Variants in KLHL1 observed in about 807,000 individuals in gnomAD.
The protein encoded by KLHL1 is kelch-like protein 1.
In KLHL1, 47 loss-of-function variants were observed where a neutral mutation model predicts 77.7. The observed-to-expected ratio is 0.60, with a 90% CI of 0.48 to 0.77. The LOEUF is 0.77. Among genes scored for constraint, KLHL1 ranks in the 30% least tolerant of loss-of-function variants. The pLI is 0.00. For missense variants in KLHL1, 925 were observed against 910.8 expected (o/e 1.02, Z -0.20); for synonymous variants, 360 against 325.2 (o/e 1.11, Z -1.15).
chr13:69,983,993 T>C (rs527921763), intron 1 of KLHL1, among the ~76,000 whole-genome samples: 1 of 152,186 alleles, frequency 6.6e-6, no homozygotes, highest in Non-Finnish European at 1.5e-5. Context: ...CTCTCACTAC[T>C]TAAAGTCAAC....
intron 1 of KLHL1, among the ~76,000 whole-genome samples, chr13:70,106,114 A>G (rs903002222): frequency 4.6e-5 from 7 of 151,650 alleles, no homozygotes; most frequent in African/African-American, 1.7e-4. Flanking sequence ...TTATACATAT[A>G]TAATTTTATC....
At position 69,954,460 on chromosome 13, in the gene KLHL1, A is replaced by C. The variant is rs184602005; in HGVS notation, c.817+6848T>G. Among the ~76,000 whole-genome samples the C allele has an allele frequency of 3.2e-4, 49 of 151,418 alleles. 1 individual carries two copies. Among genetic ancestry groups the C allele is most frequent in the Admixed American group, 2.6e-3 (39 of 15,156 alleles). ...TCACAAAGTAAAGGAAAATGAAAAC[A>C]ATTATAAGACTGAGAGCAACAATAA... On this transcript the variant is annotated intron_variant, in intron 3 of 10. Transcript: ENST00000377844.
rs903091884 is a variant in KLHL1, at chr13:69,786,268, G to T, written c.1639+10470C>A. On this transcript the variant is annotated intron_variant, in intron 7 of 10. Coordinates refer to ENST00000377844, the MANE Select transcript of KLHL1 (RefSeq NM_020866.3). ...ATGCAAAAATCCTCAATAAAATACT[G>T]GCAAACCAAATCCAGCAGCACATCA... Among the ~76,000 whole-genome samples the T allele has an allele frequency of 3.9e-5, 6 of 152,196 alleles. No individual in the cohort carries two copies. The South Asian group carries it at 1.2e-3, about 32-fold the overall frequency.
intron 6 of KLHL1, among the ~76,000 whole-genome samples, chr13:69,801,485 G>C (rs1055082237): frequency 6.6e-6 from 1 of 152,086 alleles, no homozygotes; most frequent in Non-Finnish European, 1.5e-5. Context: ...AACATGTCAA[G>C]GTTGCATTAG....
At chr13:69,811,879 G>C (rs1045779547) in intron 6 of KLHL1, among the ~76,000 whole-genome samples, 6 of 152,056 alleles carry the variant, frequency 3.9e-5, no homozygotes, top group Non-Finnish European at 7.4e-5. Context: ...ATTTTTTGAA[G>C]GGTTTTTTGT....
chr13:69,715,544 G>A (rs111423411), intron 9 of KLHL1, among the ~76,000 whole-genome samples: 10,645 of 148,816 alleles, frequency 0.072, 558 homozygotes, highest in Non-Finnish European at 0.11. Context: ...TTTTTGAGAC[G>A]GAATCTCGCT....
intron 7 of KLHL1, among the ~76,000 whole-genome samples, chr13:69,790,012 G>A (rs887710267): frequency 1.3e-5 from 2 of 152,156 alleles, no homozygotes; most frequent in African/African-American, 4.8e-5. Context: ...TCACCGAGAT[G>A]TAATTGTGGT....
chr13:70,039,056 AT>A (rs35184766), intron 1 of KLHL1, among the ~76,000 whole-genome samples: 10,662 of 124,500 alleles, frequency 0.086, 269 homozygotes, highest in East Asian at 0.28. Flanking sequence ...TCCTTTGCAC[AT>A]TTTTTTTTTT....
intron 4 of KLHL1, among the ~76,000 whole-genome samples, chr13:69,884,085 G>C (rs1881106230): frequency 6.6e-6 from 1 of 152,136 alleles, no homozygotes; most frequent in Non-Finnish European, 1.5e-5. Context: ...CTGTATGTTA[G>C]AGCAGTTTCA....
intron 3 of KLHL1, among the ~76,000 whole-genome samples, chr13:69,960,933 G>A (rs995189382): frequency 3.3e-5 from 5 of 151,682 alleles, no homozygotes; most frequent in East Asian, 1.9e-4. Context: ...CACATTCCAG[G>A]GAAAAAGTTA....
chr13:70,075,661 ATG>A (rs1193569882), intron 1 of KLHL1, among the ~76,000 whole-genome samples: 1 of 140,790 alleles, frequency 7.1e-6, no homozygotes, highest in Non-Finnish European at 1.5e-5. Flanking sequence ...ATATATACCT[ATG>A]TGTGTGTGTA....
intron 4 of KLHL1, among the ~76,000 whole-genome samples, chr13:69,895,602 G>A (rs1454924828): frequency 6.6e-6 from 1 of 152,120 alleles, no homozygotes; most frequent in Non-Finnish European, 1.5e-5. Flanking sequence ...TGCAGGCAGA[G>A]TGTAGCTCAG....
At chr13:69,910,163 G>T (rs1158043762) in intron 4 of KLHL1, among the ~76,000 whole-genome samples, 1 of 151,948 alleles carries the variant, frequency 6.6e-6, no homozygotes, top group African/African-American at 2.4e-5. Context: ...TTGGCATATG[G>T]TCAGTGCACC....
In KLHL1 at chr13:70,055,018, C is replaced by T. The variant is rs367638450; in HGVS notation, c.497+52185G>A. The stretch of plus-strand genomic sequence containing the variant: ...TGGGGTTAAAAAGTTTATTCAAAGA[C>T]GTAATAGAAATCTTTCCAAACCTCG... On this transcript the variant is annotated intron_variant, in intron 1 of 10. Transcript: ENST00000377844. Among the ~76,000 whole-genome samples the T allele has an allele frequency of 2.2e-3, 8 of 3,622 alleles. No homozygotes were observed. In the Non-Finnish European group the frequency reaches 0.03, roughly 14 times the overall value. The allele number at this position is 3,622 out of a possible 152,430, so 2.4% of individuals were successfully genotyped here. A position where few individuals can be genotyped will look rare whatever the true frequency, so the allele number is the denominator to read the frequency against.
intron 8 of KLHL1, among the ~76,000 whole-genome samples, chr13:69,725,954 G>C (rs1375376779): frequency 2.0e-5 from 3 of 151,932 alleles, no homozygotes; most frequent in African/African-American, 7.2e-5. Flanking sequence ...ACATATGCAG[G>C]GTTATGTCTA....
Position 69,830,202 on chromosome 13 carries a change from A to T in KLHL1, c.1414+8774T>A, listed in dbSNP as rs1323242157. ...ACCAAGTATCTGCTATCTTCAAGAG[A>T]CTCACTTAATACATAAAGACTCACA... is the stretch of plus-strand genomic sequence containing the variant. On this transcript the variant is annotated intron_variant, in intron 6 of 10. Coordinates refer to ENST00000377844, the MANE Select transcript of KLHL1 (RefSeq NM_020866.3). Among the ~76,000 whole-genome samples, 4 of 150,276 alleles carry T rather than the reference A, an allele frequency of 2.7e-5. 1 individual carries two copies. Among genetic ancestry groups the T allele is most frequent in the Non-Finnish European group, 4.4e-5 (3 of 67,828 alleles).
At chr13:69,825,059 T>C (rs1269294276) in intron 6 of KLHL1, among the ~76,000 whole-genome samples, 1 of 152,140 alleles carries the variant, frequency 6.6e-6, no homozygotes, top group East Asian at 1.9e-4. Flanking sequence ...GATAAAGCCA[T>C]GTTGCATACT....
In KLHL1 at chr13:69,771,280, A is replaced by G. The variant is rs76922932; in HGVS notation, c.1639+25458T>C. On this transcript the variant is annotated intron_variant, in intron 7 of 10. Transcript: ENST00000377844. ...CCATGTGCCTTTAGCAACTTTCAAA[A>G]AAAAAAAAAAAACATGCTCTTCTTC... 6.3e-3 allele frequency among the ~76,000 whole-genome samples: 891 copies of G among 141,746 alleles called. 5 individuals are homozygous for G. Among genetic ancestry groups the G allele is most frequent in the African/African-American group, 0.022 (813 of 36,628 alleles). 93.0% of individuals were successfully genotyped at this position (141,746 alleles called of 152,430 possible). A position where few individuals can be genotyped will look rare whatever the true frequency, so the allele number is the denominator to read the frequency against.
intron 3 of KLHL1, among the ~76,000 whole-genome samples, chr13:69,940,893 G>A (rs1435284647): frequency 6.8e-6 from 1 of 146,716 alleles, no homozygotes; most frequent in Non-Finnish European, 1.5e-5. Context: ...TTTGTCAAAT[G>A]TTTATAGAAC....
Sources: gnomAD v4.1 joint callset for allele counts (sites outside exome capture counted in the v4.1 genomes callset) on GRCh38, gnomAD v4.1.1 for gene constraint, MANE v1.5 for transcripts, NCBI Gene and HGNC (gene_info 2026-07-23, HGNC 2026-07-21) for gene names.